DLC1: variants seen among roughly 807,000 people sequenced by gnomAD.
The protein encoded by DLC1 is rho GTPase-activating protein 7.
In DLC1, 54 loss-of-function variants were observed where a neutral mutation model predicts 140.3. The observed-to-expected ratio is 0.38, with a 90% confidence interval of 0.31 to 0.48. The LOEUF (loss-of-function observed/expected upper bound fraction) is 0.48, where lower values mean the gene tolerates loss of function less well. DLC1 is among the 20% of genes least tolerant of loss of function. The probability of loss-of-function intolerance (pLI) is 0.96; values close to 1 mark genes in which losing one functional copy is unlikely to be tolerated. For synonymous variants in DLC1, 986 were observed against 728.1 expected, an observed-to-expected ratio of 1.35 and a Z score of -5.70; for missense variants, 2,536 against 1,907.0, an observed-to-expected ratio of 1.33 and a Z score of -6.14.
intron 2 of DLC1, among the ~76,000 whole-genome samples, chr8:13,448,491 T>G (rs1034322518): frequency 7.9e-5 from 12 of 151,952 alleles, no homozygotes; most frequent in African/African-American, 2.7e-4. Context: ...ACCTCTCAAG[T>G]AGCTGGGACT....
intron 2 of DLC1, among the ~76,000 whole-genome samples, chr8:13,420,217 G>A (rs1399007406): frequency 6.6e-6 from 1 of 152,016 alleles, no homozygotes; most frequent in Non-Finnish European, 1.5e-5. Flanking sequence ...ATTTCCTTGA[G>A]TTCTGCTCAG....
chr8:13,262,437 T>C (rs1378857359), intron 5 of DLC1, among the ~76,000 whole-genome samples: 3 of 152,176 alleles, frequency 2.0e-5, no homozygotes, highest in Non-Finnish European at 4.4e-5. Flanking sequence ...GGACTTGACA[T>C]TCTAAAGCAA....
intron 1 of DLC1, among the ~76,000 whole-genome samples, chr8:13,559,782 A>C (rs1024781316): frequency 1.3e-5 from 2 of 152,198 alleles, no homozygotes; most frequent in Non-Finnish European, 2.9e-5. Flanking sequence ...TTAATGGCAC[A>C]TTTCTGTGTT....
chr8:13,138,726 A>T (rs984980129), intron 5 of DLC1, among the ~76,000 whole-genome samples: 1 of 152,216 alleles, frequency 6.6e-6, no homozygotes, highest in East Asian at 1.9e-4. Context: ...AGCTTTCGTG[A>T]CCCCAATCTG....
At chr8:13,304,468 C>G (rs1297614584) in intron 5 of DLC1, 2 of 178,318 alleles carry the variant, frequency 1.1e-5, no homozygotes, top group Non-Finnish European at 2.2e-5. Flanking sequence ...CTGACATAGA[C>G]AGCAAACACC....
intron 4 of DLC1, among the ~76,000 whole-genome samples, chr8:13,356,451 T>G (rs1256773331): frequency 6.6e-6 from 1 of 152,218 alleles, no homozygotes; most frequent in Non-Finnish European, 1.5e-5. Flanking sequence ...CCATGTATTT[T>G]TTACCATACG....
intron 4 of DLC1, among the ~76,000 whole-genome samples, chr8:13,356,310 A>G (rs1329654650): frequency 6.6e-6 from 1 of 152,130 alleles, no homozygotes; most frequent in East Asian, 1.9e-4. Flanking sequence ...ATCCAGTCCA[A>G]TTCCTTTATT....
chr8:13,426,527 T>C (rs1563336848), intron 2 of DLC1, among the ~76,000 whole-genome samples: 1 of 152,192 alleles, frequency 6.6e-6, no homozygotes, highest in Non-Finnish European at 1.5e-5. Context: ...ACCTCAGTTT[T>C]AGTCTGTTTG....
intron 5 of DLC1, among the ~76,000 whole-genome samples, chr8:13,191,367 C>A (rs946462342): frequency 3.3e-5 from 5 of 152,068 alleles, no homozygotes; most frequent in African/African-American, 1.2e-4. Context: ...ATCAACCAGG[C>A]GTGGTGGCCT....
chr8:13,356,428 C>A (rs1351346250), intron 4 of DLC1, among the ~76,000 whole-genome samples: 1 of 152,150 alleles, frequency 6.6e-6, no homozygotes, highest in African/African-American at 2.4e-5. Flanking sequence ...ACAAAATTGT[C>A]CTTTATCCTA....
chr8:13,518,403 C>G (rs7844216), upstream of DLC1, among the ~76,000 whole-genome samples: 120,178 of 152,132 alleles, frequency 0.79, 49,590 homozygotes, highest in Non-Finnish European at 0.93. Flanking sequence ...GCCACTGTGC[C>G]TGGCCTAAAG....
chr8:13,270,167 C>G (rs1013410807), intron 5 of DLC1, among the ~76,000 whole-genome samples: 9 of 152,102 alleles, frequency 5.9e-5, no homozygotes, highest in African/African-American at 2.2e-4. Flanking sequence ...TAAATCCAGT[C>G]TTTGCTTTAT....
At chr8:13,302,043 C>G (rs73562508) in intron 5 of DLC1, among the ~76,000 whole-genome samples, 1 of 152,114 alleles carries the variant, frequency 6.6e-6, no homozygotes, top group Non-Finnish European at 1.5e-5. Flanking sequence ...TTATACATAT[C>G]GATACTTGTG....
At chr8:13,129,235 A>G (rs905994159) in intron 5 of DLC1, among the ~76,000 whole-genome samples, 3 of 152,246 alleles carry the variant, frequency 2.0e-5, no homozygotes, top group Non-Finnish European at 2.9e-5. Flanking sequence ...AAAGAGGAAC[A>G]GCCTTCACCT....
chr8:13,499,153 G>C lies in DLC1; in HGVS notation c.919C>G (p.Pro307Ala), dbSNP rs781727667. ...SGFSQHQNKS[P>A]PKVKAEDGMQ... is the part of the protein sequence containing the mutation. ...CCATCTTCTGCCTTGACCTTTGGTG[G>C]ACTTTTGTTTTGATGTTGTGAAAAA... is the stretch of plus-strand genomic sequence containing the variant. Residue 307 changes from proline (P) to alanine (A), a missense_variant, in exon 2 of 18, where the codon CCA (proline) becomes GCA (alanine). Pro to Ala is a conservative substitution (Grantham distance 27). Transcript: ENST00000276297. 5 of 1,614,180 alleles carry C rather than the reference G, an allele frequency of 3.1e-6. No individual in the cohort carries two copies. The Admixed American group carries it at 8.3e-5, about 27-fold the overall frequency.
At position 13,099,263 on chromosome 8, in the gene DLC1, C is replaced by A. The variant is rs942267430; in HGVS notation, c.2990+84G>T. On this transcript the variant is annotated intron_variant, in intron 9 of 17. Coordinates refer to ENST00000276297, the MANE Select transcript of DLC1 (RefSeq NM_182643.3). ...ATGGCTAAGAATGCCAGACTTAATC[C>A]CATTTCTTCCCACAGAACAAGCACA... The A allele has an allele frequency of 5.3e-6, 8 of 1,518,326 alleles. No individual in the cohort carries two copies. The African/African-American group carries it at 9.8e-5, about 19-fold the overall frequency. The allele number at this position is 1,518,326 out of a possible 1,614,324, so 94.1% of individuals were successfully genotyped here.
At position 13,283,293 on chromosome 8, in the gene DLC1, A is replaced by AACACAC. The variant is rs58438325; in HGVS notation, c.1348+21970_1348+21975dup. On this transcript the variant is annotated intron_variant, in intron 5 of 17. Coordinates refer to ENST00000276297, the MANE Select transcript of DLC1 (RefSeq NM_182643.3). ...TCTGTGTACCAAGGGATCCTACTGA[A>AACACAC]ACACACACACACACACACACACACA... is the stretch of plus-strand genomic sequence containing the variant. Among the ~76,000 whole-genome samples, 194 of 145,116 alleles carry AACACAC rather than the reference A, an allele frequency of 1.3e-3. 1 individual carries two copies. The highest frequency in any genetic ancestry group is 2.8e-3 in the African/African-American group (111 of 39,548).
At chr8:13,288,147 C>T (rs962499675) in intron 5 of DLC1, among the ~76,000 whole-genome samples, 2 of 152,060 alleles carry the variant, frequency 1.3e-5, no homozygotes, top group African/African-American at 4.8e-5. Context: ...CACTAAATCC[C>T]ATGAAATGTA....
At chr8:13,523,680 A>C (rs1003790758) in intron 1 of DLC1, among the ~76,000 whole-genome samples, 1 of 152,198 alleles carries the variant, frequency 6.6e-6, no homozygotes, top group Admixed American at 6.5e-5. Flanking sequence ...TATTGAAAGG[A>C]ACAAGTTCAA....
Sources: gnomAD v4.1 joint callset for allele counts (sites outside exome capture counted in the v4.1 genomes callset) on GRCh38, gnomAD v4.1.1 for gene constraint, MANE v1.5 for transcripts, NCBI Gene and HGNC (gene_info 2026-07-23, HGNC 2026-07-21) for gene names.